The following WAPL variants were observed in gnomAD, a reference collection of about 807,000 sequenced individuals.
The protein encoded by WAPL is wings apart-like protein homolog.
Under a neutral mutation model 121.0 loss-of-function variants are expected in WAPL, and 5 were observed. That is an observed-to-expected ratio of 0.04 (90% CI 0.02 to 0.09). WAPL has a LOEUF of 0.09. Ranked by LOEUF, WAPL falls within the 10% of genes least tolerant of loss-of-function variation. The probability of loss-of-function intolerance (pLI) is 1.00; values close to 1 mark genes in which losing one functional copy is unlikely to be tolerated. For missense variants in WAPL, 999 were observed against 1,410.8 expected (o/e 0.71, Z 4.68); for synonymous variants, 480 against 481.5 (o/e 1.00, Z 0.04).
intron 2 of WAPL, among the ~76,000 whole-genome samples, chr10:86,505,158 GTTTT>G (rs199985167): frequency 1.4e-5 from 2 of 145,038 alleles, no homozygotes; most frequent in Non-Finnish European, 3.0e-5. Context: ...AAGCTGTAGA[GTTTT>G]TTTTTCTGTA....
At position 86,453,745 on chromosome 10, in the gene WAPL, T is replaced by C; in HGVS notation, c.2744A>G (p.His915Arg). 6.2e-7 allele frequency: 1 copy of C among 1,614,202 alleles called. No individual in the cohort carries two copies. The highest frequency in any genetic ancestry group is 8.5e-7 in the Non-Finnish European group (1 of 1,180,042). The change falls in exon 13 of 19, where the codon CAC (histidine) becomes CGC (arginine). Residue 915 changes from histidine to arginine, a missense_variant. Physicochemically the swap from His to Arg is conservative, Grantham distance 29. Transcript: ENST00000298767. ...ICLADSKPLP[H>R]QNVTNHVGKA... ...GCCTACATGGTTAGTTACATTCTGG[T>C]GAGGCAGAGGCTTACTGTCAGCTAA...
rs1841546893 is a variant in WAPL at position 86,472,146 on chromosome 10, C to A, written c.2030+62G>T. ...AAAATGTTTGGCTTTTTGGACAACACCTAGTTGAAAAAATTTAATACAGCA... is the reference window on the plus strand; with the variant it reads ...AAAATGTTTGGCTTTTTGGACAACAACTAGTTGAAAAAATTTAATACAGCA... On this transcript the variant is annotated intron_variant, in intron 7 of 18. Transcript: ENST00000298767. This position sits in a 1 kb window ranked among gnomAD's most constrained non-coding sequence, Gnocchi z 4.2. 6 of 1,464,092 alleles carry A rather than the reference C, an allele frequency of 4.1e-6. No homozygotes were observed. Among genetic ancestry groups the A allele is most frequent in the Non-Finnish European group, 5.4e-6 (6 of 1,107,914 alleles). 90.7% of individuals were successfully genotyped at this position (1,464,092 alleles called of 1,614,324 possible).
At chr10:86,494,489 A>T (rs1430629737) in intron 4 of WAPL, among the ~76,000 whole-genome samples, 1 of 151,596 alleles carries the variant, frequency 6.6e-6, no homozygotes, top group East Asian at 1.9e-4. Flanking sequence ...TGCTTCCAAT[A>T]AAAAAAAATT....
At position 86,453,350 on chromosome 10, in the gene WAPL, G is replaced by A. The variant is rs374799283; in HGVS notation, c.2834-15C>T. The A allele has an allele frequency of 3.6e-5, 58 of 1,611,218 alleles. No individual in the cohort carries two copies. The highest frequency in any genetic ancestry group is 4.7e-5 in the Non-Finnish European group (55 of 1,178,054). On this transcript the variant is annotated splice_polypyrimidine_tract_variant and intron_variant, in intron 13 of 18. Transcript: ENST00000298767. ...GCTGCCCCACTCTGAAATAAGAAAT[G>A]GATACAGGAAAATGGTTACTGATTC... is the stretch of plus-strand genomic sequence containing the variant.
chr10:86,455,867 A>G (rs1315861268), intron 12 of WAPL, among the ~76,000 whole-genome samples: 1 of 152,184 alleles, frequency 6.6e-6, no homozygotes, highest in Non-Finnish European at 1.5e-5. Flanking sequence ...AAAGAAGGCG[A>G]TATTACTGCA....
At chr10:86,451,924 A>G (rs946060049) in intron 15 of WAPL, 43 bp downstream of exon 15, 4 of 1,600,812 alleles carry the variant, frequency 2.5e-6, no homozygotes, top group Middle Eastern at 1.7e-4. Flanking sequence ...GGACAAATCC[A>G]ACAAACTGCA....
At chr10:86,458,454 C>T (rs1841200567) in intron 12 of WAPL, among the ~76,000 whole-genome samples, 1 of 152,104 alleles carries the variant, frequency 6.6e-6, no homozygotes, top group Non-Finnish European at 1.5e-5. Context: ...TGCAGAAGAA[C>T]AGAGAAAAGT....
chr10:86,502,976 G>T (rs899525976), intron 2 of WAPL, among the ~76,000 whole-genome samples: 16 of 151,760 alleles, frequency 1.1e-4, no homozygotes, highest in Non-Finnish European at 2.9e-5. Context: ...TGGCCAACAT[G>T]GTGAAACCCT....
rs531404303 is a variant in WAPL, at chr10:86,505,300, CTTTT to C, written c.500-4561_500-4558del. Among the ~76,000 whole-genome samples, 107 of 44,648 alleles carry C rather than the reference CTTTT, an allele frequency of 2.4e-3. 1 individual carries two copies. The highest frequency in any genetic ancestry group is 0.013 in the Admixed American group (38 of 2,860). 29.3% of individuals were successfully genotyped at this position (44,648 alleles called of 152,430 possible). A position where few individuals can be genotyped will look rare whatever the true frequency, so the allele number is the denominator to read the frequency against. On this transcript the variant is annotated intron_variant, in intron 2 of 18. Coordinates refer to ENST00000298767, the MANE Select transcript of WAPL (RefSeq NM_015045.5). Reference sequence around the variant, plus strand: ...CAAGCTTCAGCCACAGTGCCCAACTCTTTTTTTTTTTTTTTTTTTTTTTTTGGAG... The same window carrying C: ...CAAGCTTCAGCCACAGTGCCCAACTCTTTTTTTTTTTTTTTTTTTTTGGAG...
intron 17 of WAPL, among the ~76,000 whole-genome samples, chr10:86,442,259 T>C (rs189658650): frequency 1.9e-3 from 284 of 152,322 alleles, no homozygotes; most frequent in Non-Finnish European, 3.6e-3. Flanking sequence ...CTCGAACTCC[T>C]AACCTCAAGT....
At chr10:86,479,881 A>T (rs1023660927) in intron 4 of WAPL, among the ~76,000 whole-genome samples, 4 of 152,350 alleles carry the variant, frequency 2.6e-5, no homozygotes, top group Non-Finnish European at 4.4e-5. Context: ...AAAATCCTTT[A>T]AAAAAGACAA....
At chr10:86,519,028 A>G (rs1375512705) in intron 1 of WAPL, among the ~76,000 whole-genome samples, 1 of 152,194 alleles carries the variant, frequency 6.6e-6, no homozygotes, top group African/African-American at 2.4e-5. Context: ...CCAGCATATT[A>G]CACTGTTTCA....
chr10:86,495,279 C>A (rs1842128086), intron 4 of WAPL, among the ~76,000 whole-genome samples: 1 of 152,100 alleles, frequency 6.6e-6, no homozygotes, highest in South Asian at 2.1e-4. Context: ...CCAGCATGGG[C>A]AACAAACTGA....
intron 4 of WAPL, among the ~76,000 whole-genome samples, chr10:86,493,695 AT>A (rs11343574): frequency 0.85 from 124,285 of 146,074 alleles, 53,241 homozygotes; most frequent in Non-Finnish European, 0.92. Flanking sequence ...GCCCAACTAC[AT>A]TTTTTTTTTT....
At chr10:86,494,552 T>C (rs1842114466) in intron 4 of WAPL, among the ~76,000 whole-genome samples, 1 of 152,246 alleles carries the variant, frequency 6.6e-6, no homozygotes, top group Admixed American at 6.5e-5. Context: ...CACTGTGAAC[T>C]TGATAGGTTC....
intron 4 of WAPL, among the ~76,000 whole-genome samples, chr10:86,496,706 A>G (rs749882257): frequency 3.9e-5 from 6 of 152,216 alleles, no homozygotes; most frequent in Non-Finnish European, 7.3e-5. Flanking sequence ...ATTTTGACAT[A>G]CCGTAAAAGA....
intron 17 of WAPL, among the ~76,000 whole-genome samples, chr10:86,441,490 G>C (rs1349849095): frequency 6.6e-6 from 1 of 151,956 alleles, no homozygotes; most frequent in Admixed American, 6.6e-5. Flanking sequence ...CCTGGTGAGG[G>C]GTGAGAGTGG....
At chr10:86,469,260 T>TAAATCAGCACACTCTAC in intron 8 of WAPL, among the ~76,000 whole-genome samples, 5 of 144,472 alleles carry the variant, frequency 3.5e-5, no homozygotes, top group African/African-American at 1.0e-4. Flanking sequence ...TTTTTTTTTT[T>TAAATCAGCACACTCTAC]TTTTTTTTTT....
At chr10:86,480,818 T>A (rs1051228847) in intron 4 of WAPL, among the ~76,000 whole-genome samples, 2 of 152,242 alleles carry the variant, frequency 1.3e-5, no homozygotes, top group Non-Finnish European at 2.9e-5. Context: ...TCCTGGCTTC[T>A]AGGGATGGTT....
Sources: gnomAD v4.1 joint callset for allele counts (sites outside exome capture counted in the v4.1 genomes callset) on GRCh38, gnomAD v4.1.1 for gene constraint, Gnocchi (gnomAD v3.1) non-coding constraint, MANE v1.5 for transcripts, NCBI Gene and HGNC (gene_info 2026-07-23, HGNC 2026-07-21) for gene names.